Variants in DSCAM observed in about 807,000 individuals in gnomAD.
DSCAM encodes DS cell adhesion molecule.
In DSCAM, 47 loss-of-function variants were observed where a neutral mutation model predicts 217.7. The ratio of observed to expected loss-of-function variants is 0.22; its 90% confidence interval spans 0.17 to 0.28. The LOEUF (loss-of-function observed/expected upper bound fraction) is 0.28. Ranked by LOEUF, DSCAM falls within the 10% of genes least tolerant of loss-of-function variation. The probability of loss-of-function intolerance (pLI) is 1.00; values close to 1 mark genes in which losing one functional copy is unlikely to be tolerated. For synonymous variants in DSCAM, 1,056 were observed against 1,015.3 expected, an observed-to-expected ratio of 1.04 and a Z score of -0.76; for missense variants, 2,080 against 2,618.3, an observed-to-expected ratio of 0.79 and a Z score of 4.49.
chr21:40,701,577 T>A (rs1307973958), intron 2 of DSCAM, among the ~76,000 whole-genome samples: 1 of 152,028 alleles, frequency 6.6e-6, no homozygotes, highest in African/African-American at 2.4e-5. Flanking sequence ...AATCTCCCTA[T>A]TTTTTTAGTG....
intron 3 of DSCAM, among the ~76,000 whole-genome samples, chr21:40,531,952 G>T (rs894918182): frequency 6.6e-6 from 1 of 152,188 alleles, no homozygotes; most frequent in African/African-American, 2.4e-5. Flanking sequence ...CGACATGTGG[G>T]TGGCCTCAAG....
At chr21:40,121,679 G>GTTTTTTTTTTTTTTTT (rs1568951642) in intron 20 of DSCAM, among the ~76,000 whole-genome samples, 1 of 76,712 alleles carries the variant, frequency 1.3e-5, no homozygotes, top group Non-Finnish European at 2.8e-5. Context: ...TCTCATTACT[G>GTTTTTTTTTTTTTTTT]TCTTTTTTTT....
At chr21:40,242,935 C>G (rs967873223) in intron 11 of DSCAM, among the ~76,000 whole-genome samples, 1 of 152,202 alleles carries the variant, frequency 6.6e-6, no homozygotes, top group South Asian at 2.1e-4. Context: ...CAGCCACGAC[C>G]AGGTCCTTCT....
intron 32 of DSCAM, among the ~76,000 whole-genome samples, chr21:40,030,066 T>C (rs1311111217): frequency 1.3e-5 from 2 of 152,230 alleles, no homozygotes; most frequent in African/African-American, 4.8e-5. Context: ...ACATATATGT[T>C]GACACACATG....
chr21:40,420,091 G>A (rs1425363014), intron 3 of DSCAM, among the ~76,000 whole-genome samples: 1 of 152,086 alleles, frequency 6.6e-6, no homozygotes, highest in Non-Finnish European at 1.5e-5. Context: ...ACAGTAACAG[G>A]ATACCAATTG....
rs2090552635 is a variant in DSCAM, at chr21:40,162,724, C to A, written c.3018+4494G>T. On this transcript the variant is annotated intron_variant, in intron 16 of 32. Coordinates refer to ENST00000400454, the MANE Select transcript of DSCAM (RefSeq NM_001389.5). ...GAAATCATACCTCTCTTTCTTAATTCTAAATGAGAATTTTGCTTATTCTCA... is the reference window on the plus strand; with the variant it reads ...GAAATCATACCTCTCTTTCTTAATTATAAATGAGAATTTTGCTTATTCTCA... 2.6e-5 allele frequency among the ~76,000 whole-genome samples: 4 copies of A among 152,228 alleles called. No individual in the cohort carries two copies. In the South Asian group the frequency reaches 8.3e-4, roughly 32 times the overall value.
chr21:40,835,697 G>T (rs1266408930), intron 1 of DSCAM, among the ~76,000 whole-genome samples: 2 of 152,096 alleles, frequency 1.3e-5, no homozygotes, highest in African/African-American at 4.8e-5. Context: ...TAAGATCTCA[G>T]GACACAAAAA....
chr21:40,811,027 C>T (rs928726432), intron 1 of DSCAM, among the ~76,000 whole-genome samples: 1 of 152,182 alleles, frequency 6.6e-6, no homozygotes, highest in Admixed American at 6.5e-5. Context: ...GCTATTGAAA[C>T]CCCAGATAGG....
At chr21:40,321,933 T>C (rs2074264053) in intron 8 of DSCAM, among the ~76,000 whole-genome samples, 1 of 152,192 alleles carries the variant, frequency 6.6e-6, no homozygotes, top group Non-Finnish European at 1.5e-5. Context: ...CTCAATTGTT[T>C]CTGCTTTTGG....
chr21:40,837,864 A>G (rs2092069381), intron 1 of DSCAM, among the ~76,000 whole-genome samples: 1 of 152,204 alleles, frequency 6.6e-6, no homozygotes, highest in Non-Finnish European at 1.5e-5. Flanking sequence ...ATTCCAAAGC[A>G]TTGTTATTTC....
At chr21:40,249,187 G>A (rs1270149347) in intron 11 of DSCAM, among the ~76,000 whole-genome samples, 2 of 152,208 alleles carry the variant, frequency 1.3e-5, no homozygotes, top group Non-Finnish European at 2.9e-5. Context: ...TTGCAGTATT[G>A]TTGGATATTA....
chr21:40,063,228 G>T (rs1416204607), intron 27 of DSCAM, among the ~76,000 whole-genome samples: 1 of 152,164 alleles, frequency 6.6e-6, no homozygotes, highest in South Asian at 2.1e-4. Flanking sequence ...TTAACATTTT[G>T]AGGGTATATC....
At chr21:40,362,130 C>T (rs954714454) in intron 4 of DSCAM, among the ~76,000 whole-genome samples, 1 of 151,986 alleles carries the variant, frequency 6.6e-6, no homozygotes, top group Admixed American at 6.6e-5. Context: ...GCATAGTATT[C>T]CATGGTGTAT....
intron 3 of DSCAM, 140 bp from the exon 4 acceptor site, chr21:40,369,385 CGTGTGTGTGTGTGTGT>C: frequency 1.0e-5 from 4 of 384,510 alleles, no homozygotes; most frequent in South Asian, 5.8e-5. Context: ...CGTGCGTCTG[CGTGTGTGTGTGTGTGT>C]GTGTGTGTGT....
intron 1 of DSCAM, among the ~76,000 whole-genome samples, chr21:40,721,879 C>G (rs1012282487): frequency 2.0e-5 from 3 of 151,872 alleles, no homozygotes; most frequent in African/African-American, 7.3e-5. Context: ...TTAAATTGTT[C>G]AAATCCAACA....
At chr21:40,077,594 G>C (rs1287242032) in intron 26 of DSCAM, among the ~76,000 whole-genome samples, 1 of 152,152 alleles carries the variant, frequency 6.6e-6, no homozygotes, top group Admixed American at 6.5e-5. Flanking sequence ...CACTCTCCTA[G>C]AGAGCAATGC....
chr21:40,359,032 C>T (rs537050786), intron 4 of DSCAM, among the ~76,000 whole-genome samples: 1 of 152,184 alleles, frequency 6.6e-6, no homozygotes, highest in African/African-American at 2.4e-5. Flanking sequence ...CAAAAAGATG[C>T]TCAATATTAC....
At chr21:40,563,717 TTTATATATGTTTA>T (rs2076741872) in intron 3 of DSCAM, among the ~76,000 whole-genome samples, 1 of 146,442 alleles carries the variant, frequency 6.8e-6, no homozygotes. Flanking sequence ...TATAGTTATG[TTTATATATGTTTA>T]TATGTTTATA....
At position 40,345,313 on chromosome 21, in the gene DSCAM, C is replaced by T. The variant is rs563628954; in HGVS notation, c.1210+2357G>A. Among the ~76,000 whole-genome samples, 4 of 152,166 alleles carry T rather than the reference C, an allele frequency of 2.6e-5. No homozygotes were observed. In the East Asian group the frequency reaches 7.7e-4, roughly 29 times the overall value. On this transcript the variant is annotated intron_variant, in intron 6 of 32. Coordinates refer to ENST00000400454, the MANE Select transcript of DSCAM (RefSeq NM_001389.5). ...TTTTTTGTATGTCTCATTTTTATTG[C>T]ACATTTGTATTCTCACTCCCCATTT...
Sources: allele counts gnomAD v4.1 joint callset (sites outside exome capture counted in the v4.1 genomes callset), GRCh38; gene constraint gnomAD v4.1.1; transcripts MANE v1.5; gene names NCBI Gene and HGNC (gene_info 2026-07-23, HGNC 2026-07-21).